The following SEM1 variants were observed in gnomAD, a reference collection of about 807,000 sequenced individuals.
SEM1 encodes the protein 26S proteasome complex subunit SEM1.
A neutral mutation model predicts 12.7 loss-of-function variants in SEM1; 3 were observed. That is an observed-to-expected ratio of 0.24 (90% CI 0.11 to 0.61). The LOEUF (loss-of-function observed/expected upper bound fraction) is 0.61, where lower values mean the gene tolerates loss of function less well. Ranked by LOEUF, SEM1 falls within the 20% of genes least tolerant of loss-of-function variation. The probability of loss-of-function intolerance (pLI) is 0.88; values close to 1 mark genes in which losing one functional copy is unlikely to be tolerated. For missense variants in SEM1, 59 were observed against 81.3 expected (o/e 0.73, Z 1.06); for synonymous variants, 30 against 27.8 (o/e 1.08, Z -0.25).
exon 4 of SEM1, chr7:96,483,919 G>C: frequency 6.5e-7 from 1 of 1,536,668 alleles, no homozygotes; most frequent in South Asian, 1.2e-5. Context: ...AGCCAGGCAG[G>C]CAAGAACAAT....
At position 96,694,287 on chromosome 7, in the gene SEM1, T is replaced by C. The variant is rs187926717; in HGVS notation, c.170+511A>G. Among the ~76,000 whole-genome samples, 330 of 152,094 alleles carry C rather than the reference T, an allele frequency of 2.2e-3. 1 individual carries two copies. The highest frequency in any genetic ancestry group is 7.7e-3 in the African/African-American group (319 of 41,556). Reference sequence around the variant, plus strand: ...AAATAGAGATGATGGTTGCACAATATTGAGGATGTACTAGAAGCCACTGAA... The same window carrying C: ...AAATAGAGATGATGGTTGCACAATACTGAGGATGTACTAGAAGCCACTGAA... On this transcript the variant is annotated intron_variant, in intron 2 of 2. Transcript: ENST00000248566.
chr7:96,691,894 G>GC (rs1356654857), intron 2 of SEM1, among the ~76,000 whole-genome samples: 2 of 152,112 alleles, frequency 1.3e-5, no homozygotes, highest in African/African-American at 4.8e-5. Flanking sequence ...GACACCACTG[G>GC]CAATGTGGCA....
At chr7:96,641,504 AT>A (rs1396883208) in intron 2 of SEM1, among the ~76,000 whole-genome samples, 2 of 152,060 alleles carry the variant, frequency 1.3e-5, no homozygotes, top group Non-Finnish European at 2.9e-5. Context: ...GCACAAGAAT[AT>A]ACCCTTCTTT....
chr7:96,619,436 G>T (rs1807821814), downstream of SEM1, among the ~76,000 whole-genome samples: 1 of 152,100 alleles, frequency 6.6e-6, no homozygotes. Context: ...AAGTTTATCT[G>T]GGGACTTGGA....
At chr7:96,694,755 T>C (rs747543243) in intron 2 of SEM1, 43 bp downstream of exon 2, 5 of 1,229,058 alleles carry the variant, frequency 4.1e-6, no homozygotes, top group East Asian at 2.3e-5. Flanking sequence ...TCCATGCTTA[T>C]AATTAATACT....
rs180756092 is a variant in SEM1 at position 96,616,334 on chromosome 7, T to C, written c.170+78464A>G. Among the ~76,000 whole-genome samples, 777 of 152,330 alleles carry C rather than the reference T, an allele frequency of 5.1e-3. 5 individuals are homozygous for C. The highest frequency in any genetic ancestry group is 6.6e-3 in the Non-Finnish European group (448 of 68,012). ...TTTTCATGTTTCTTGGCCACTTGTGTGTCCTCTTTTGAAAAATGTCTGTTT... is the reference window on the plus strand; with the variant it reads ...TTTTCATGTTTCTTGGCCACTTGTGCGTCCTCTTTTGAAAAATGTCTGTTT... On this transcript the variant is annotated intron_variant and NMD_transcript_variant, in intron 2 of 3. Transcript: ENST00000466986.
chr7:96,649,807 ATAT>A (rs1808913253), intron 2 of SEM1: 1 of 152,136 alleles, frequency 6.6e-6, no homozygotes, highest in African/African-American at 2.4e-5. Context: ...TGTGTAATAA[ATAT>A]TATTATTTCC....
At chr7:96,694,982 C>A in intron 1 of SEM1, 91 bp from the exon 2 acceptor site, 1 of 871,654 alleles carries the variant, frequency 1.1e-6, no homozygotes, top group Non-Finnish European at 1.9e-6. Flanking sequence ...TGAACACTCA[C>A]AATTCAAAAA....
chr7:96,499,932 A>T (rs1014211848), upstream of SEM1, among the ~76,000 whole-genome samples: 2 of 152,182 alleles, frequency 1.3e-5, no homozygotes, highest in East Asian at 3.9e-4. Context: ...CACCATCAAC[A>T]CATATTTTGT....
chr7:96,685,893 T>G (rs1426928534), downstream of SEM1, among the ~76,000 whole-genome samples: 3 of 152,048 alleles, frequency 2.0e-5, no homozygotes, highest in Admixed American at 2.0e-4. Flanking sequence ...GGAAAACTGT[T>G]AATAGGCTGT....
At chr7:96,538,650 G>A (rs936634128) in intron 2 of SEM1, among the ~76,000 whole-genome samples, 2 of 151,760 alleles carry the variant, frequency 1.3e-5, no homozygotes, top group Non-Finnish European at 2.9e-5. Context: ...AAGTATGGAG[G>A]AGGGGAAGCA....
chr7:96,608,637 A>G (rs1171415394), intron 2 of SEM1, among the ~76,000 whole-genome samples: 1 of 152,124 alleles, frequency 6.6e-6, no homozygotes, highest in Non-Finnish European at 1.5e-5. Flanking sequence ...TTCTGTCTCC[A>G]AATATTTGGA....
intron 2 of SEM1, among the ~76,000 whole-genome samples, chr7:96,586,455 G>T (rs1024802409): frequency 1.3e-5 from 2 of 152,140 alleles, no homozygotes; most frequent in African/African-American, 4.8e-5. Context: ...AGCCATAACT[G>T]CTGCTAGCCA....
At chr7:96,555,099 T>C (rs571609651) in intron 2 of SEM1, among the ~76,000 whole-genome samples, 1 of 151,664 alleles carries the variant, frequency 6.6e-6, no homozygotes, top group South Asian at 2.1e-4. Context: ...TTCTTCTTTA[T>C]TAGTCTTGCT....
chr7:96,649,148 T>G (rs1238622924), intron 2 of SEM1: 1 of 152,198 alleles, frequency 6.6e-6, no homozygotes, highest in African/African-American at 2.4e-5. Flanking sequence ...TTTTGAGAAC[T>G]GCAAATTAAA....
chr7:96,635,922 AAAAG>A (rs1338452632), intron 2 of SEM1, among the ~76,000 whole-genome samples: 1 of 152,142 alleles, frequency 6.6e-6, no homozygotes, highest in Admixed American at 6.6e-5. Flanking sequence ...TTTTAGGAAA[AAAAG>A]AAAGTAATAC....
downstream of SEM1, among the ~76,000 whole-genome samples, chr7:96,671,430 T>G (rs190599634): frequency 3.7e-3 from 559 of 151,890 alleles, 2 homozygotes; most frequent in Non-Finnish European, 5.7e-3. Context: ...GATCTAGAGG[T>G]AAAAATGCTG....
At chr7:96,628,992 C>G (rs1454369653) in intron 2 of SEM1, among the ~76,000 whole-genome samples, 4 of 152,216 alleles carry the variant, frequency 2.6e-5, no homozygotes, top group African/African-American at 9.6e-5. Flanking sequence ...AAGGTTTGCA[C>G]TGAAAAGTCT....
chr7:96,552,698 A>C (rs957698776), intron 2 of SEM1, among the ~76,000 whole-genome samples: 11 of 151,604 alleles, frequency 7.3e-5, no homozygotes, highest in East Asian at 1.9e-4. Flanking sequence ...TCCTTTGGGT[A>C]TATACCCAGT....
Sources: gnomAD v4.1 joint callset for allele counts (sites outside exome capture counted in the v4.1 genomes callset) on GRCh38, gnomAD v4.1.1 for gene constraint, MANE v1.5 for transcripts, NCBI Gene and HGNC (gene_info 2026-07-23, HGNC 2026-07-21) for gene names.